Variants in EYS observed in about 807,000 individuals in gnomAD.
EYS encodes protein eyes shut homolog.
In EYS, 250 loss-of-function variants were observed where a neutral mutation model predicts 282.1. The ratio of observed to expected loss-of-function variants is 0.89; its 90% confidence interval spans 0.80 to 0.98. The LOEUF (loss-of-function observed/expected upper bound fraction) is 0.98, where lower values mean the gene tolerates loss of function less well. EYS is among the 50% of genes least tolerant of loss of function. The probability of loss-of-function intolerance (pLI) is 0.00; values close to 1 mark genes in which losing one functional copy is unlikely to be tolerated. For synonymous variants in EYS, 1,355 were observed against 1,282.9 expected, an observed-to-expected ratio of 1.06 and a Z score of -1.20; for missense variants, 4,016 against 3,709.0, an observed-to-expected ratio of 1.08 and a Z score of -2.15.
Position 65,151,999 on chromosome 6 carries a change from T to C in EYS, c.2024-94272A>G, listed in dbSNP as rs534264243. 3.3e-5 allele frequency among the ~76,000 whole-genome samples: 5 copies of C among 152,108 alleles called. No individual in the cohort carries two copies. In the South Asian group the frequency reaches 8.3e-4, roughly 25 times the overall value. On this transcript the variant is annotated intron_variant, in intron 12 of 42. Coordinates refer to ENST00000503581, the MANE Select transcript of EYS (RefSeq NM_001142800.2). Reference sequence around the variant, plus strand: ...AATATGTTTTTATTAAAGAGATCAATGTTAGTGAAAATTACTTAATAATTA... The same window carrying C: ...AATATGTTTTTATTAAAGAGATCAACGTTAGTGAAAATTACTTAATAATTA...
intron 2 of EYS, among the ~76,000 whole-genome samples, chr6:65,552,459 G>A (rs972041052): frequency 2.6e-5 from 4 of 152,074 alleles, no homozygotes. Flanking sequence ...TTGGCTTGAT[G>A]ATTCAAATTA....
At chr6:64,589,504 C>A (rs1194994096) in intron 26 of EYS, among the ~76,000 whole-genome samples, 2 of 151,988 alleles carry the variant, frequency 1.3e-5, no homozygotes, top group East Asian at 1.9e-4. Context: ...AATTCTTTAA[C>A]CTTTTTCCTT....
At chr6:65,289,593 A>G (rs1768466547) in intron 12 of EYS, among the ~76,000 whole-genome samples, 1 of 151,264 alleles carries the variant, frequency 6.6e-6, no homozygotes. Flanking sequence ...TATATGCGTA[A>G]GGTAAATTTC....
chr6:64,169,541 G>C (rs1764413845), intron 31 of EYS, among the ~76,000 whole-genome samples: 1 of 151,978 alleles, frequency 6.6e-6, no homozygotes, highest in African/African-American at 2.4e-5. Flanking sequence ...AGCTTCAGCA[G>C]AGGGTCCTAA....
intron 36 of EYS, among the ~76,000 whole-genome samples, chr6:63,827,141 T>C (rs950713579): frequency 2.6e-5 from 4 of 152,062 alleles, no homozygotes; most frequent in Non-Finnish European, 5.9e-5. Context: ...ATCAGAGAAA[T>C]GAACTTTCAA....
intron 29 of EYS, among the ~76,000 whole-genome samples, chr6:64,384,329 A>T (rs1772842250): frequency 6.6e-6 from 1 of 152,206 alleles, no homozygotes; most frequent in Non-Finnish European, 1.5e-5. Context: ...TAATTTGAAA[A>T]TTAAGATAAT....
chr6:64,197,337 A>C (rs1765322447), intron 31 of EYS, among the ~76,000 whole-genome samples: 1 of 152,092 alleles, frequency 6.6e-6, no homozygotes, highest in Admixed American at 6.5e-5. Flanking sequence ...TTTCACTTTT[A>C]TCTGTAGATG....
chr6:65,232,916 C>A (rs570578784), intron 12 of EYS, among the ~76,000 whole-genome samples: 117 of 152,160 alleles, frequency 7.7e-4, no homozygotes, highest in African/African-American at 2.8e-3. Context: ...GTGACTTTTT[C>A]ACTTAGCATG....
At chr6:64,783,499 T>C (rs1773926678) in intron 22 of EYS, among the ~76,000 whole-genome samples, 1 of 152,078 alleles carries the variant, frequency 6.6e-6, no homozygotes, top group Admixed American at 6.6e-5. Flanking sequence ...AAAGGAAAAT[T>C]AATTTTAAGA....
intron 2 of EYS, among the ~76,000 whole-genome samples, chr6:65,544,586 T>C (rs1665678071): frequency 6.6e-6 from 1 of 152,176 alleles, no homozygotes; most frequent in Non-Finnish European, 1.5e-5. Context: ...GCCATGATTG[T>C]AAGTTTCCTG....
At position 63,745,951 on chromosome 6, in the gene EYS, G is replaced by GAA. The variant is rs375138391; in HGVS notation, c.8071+16509_8071+16510insTT. Among the ~76,000 whole-genome samples the GAA allele has an allele frequency of 2.8e-3, 425 of 152,306 alleles. 3 individuals carry two copies. The highest frequency in any genetic ancestry group is 9.6e-3 in the African/African-American group (400 of 41,580). The stretch of plus-strand genomic sequence containing the variant: ...TGTGTACCATGTGAGGACACAGGTA[G>GAA]AGCCAGCTGTCTACAAGCCAGGAAG... On this transcript the variant is annotated intron_variant, in intron 41 of 42. Coordinates refer to ENST00000503581, the MANE Select transcript of EYS (RefSeq NM_001142800.2).
chr6:65,331,773 A>C (rs1769805574), intron 11 of EYS: 1 of 959,148 alleles, frequency 1.0e-6, no homozygotes, highest in African/African-American at 1.8e-5. Flanking sequence ...TTTGTGGCTT[A>C]CTACTTTTCC....
chr6:64,701,803 C>A (rs4710487), intron 22 of EYS, among the ~76,000 whole-genome samples: 103,304 of 151,752 alleles, frequency 0.68, 36,205 homozygotes, highest in Middle Eastern at 0.78. Flanking sequence ...ATATCCATGT[C>A]ACAAAGCTGC....
At chr6:64,330,341 G>T (rs1000285354) in intron 29 of EYS, among the ~76,000 whole-genome samples, 13 of 152,256 alleles carry the variant, frequency 8.5e-5, no homozygotes, top group African/African-American at 2.9e-4. Flanking sequence ...GTTTTTAGGG[G>T]CAGCTGGTTT....
chr6:64,002,119 A>G (rs1320740685), intron 33 of EYS, among the ~76,000 whole-genome samples: 1 of 152,206 alleles, frequency 6.6e-6, no homozygotes, highest in East Asian at 1.9e-4. Context: ...ACGGTGGAAC[A>G]ATGTAGCAGA....
chr6:64,247,378 G>A (rs1399022939), intron 30 of EYS, among the ~76,000 whole-genome samples: 1 of 152,158 alleles, frequency 6.6e-6, no homozygotes, highest in African/African-American at 2.4e-5. Flanking sequence ...GCTCATAGGA[G>A]TCTCAAAGAG....
intron 14 of EYS, among the ~76,000 whole-genome samples, chr6:64,948,954 T>C (rs1345354039): frequency 6.6e-6 from 1 of 151,904 alleles, no homozygotes; most frequent in Non-Finnish European, 1.5e-5. Flanking sequence ...AGTTTGATAG[T>C]TGTAAATGCA....
chr6:65,160,706 T>C lies in EYS; in HGVS notation c.2024-102979A>G, dbSNP rs546687440. ...AGATGGCATTTGAATAAATTTTTTA[T>C]TTTCCCTTAAAAATTATATTTCCTT... On this transcript the variant is annotated intron_variant, in intron 12 of 42. Transcript: ENST00000503581. 2.6e-5 allele frequency among the ~76,000 whole-genome samples: 4 copies of C among 151,064 alleles called. No individual in the cohort carries two copies. In the South Asian group the frequency reaches 8.3e-4, roughly 31 times the overall value.
chr6:64,801,243 C>T (rs1179333390), intron 22 of EYS, among the ~76,000 whole-genome samples: 3 of 152,000 alleles, frequency 2.0e-5, no homozygotes, highest in Non-Finnish European at 4.4e-5. Context: ...TTATATAGGA[C>T]AAGCATTAAG....
Sources: allele counts gnomAD v4.1 joint callset (sites outside exome capture counted in the v4.1 genomes callset), GRCh38; gene constraint gnomAD v4.1.1; transcripts MANE v1.5; gene names NCBI Gene and HGNC (gene_info 2026-07-23, HGNC 2026-07-21).